The following FAM177A1 variants were observed in gnomAD, a reference collection of about 807,000 sequenced individuals.
The protein encoded by FAM177A1 is family with sequence similarity 177 member A1.
Under a neutral mutation model 26.1 loss-of-function variants are expected in FAM177A1, and 22 were observed. The observed-to-expected ratio is 0.84, with a 90% CI of 0.60 to 1.20. The LOEUF is 1.20. FAM177A1 is among the 50% of genes most tolerant of loss of function. The pLI is 0.00. For synonymous variants in FAM177A1, 95 were observed against 99.3 expected (o/e 0.96, Z 0.26); for missense variants, 296 against 291.1 (o/e 1.02, Z -0.12).
chr14:35,072,237 T>C (rs1284758661), intron 2 of FAM177A1, among the ~76,000 whole-genome samples: 1 of 151,910 alleles, frequency 6.6e-6, no homozygotes, highest in Non-Finnish European at 1.5e-5. Context: ...ATCGCAACAT[T>C]GCACTCCAGC....
Position 35,058,961 on chromosome 14 carries a change from G to A in FAM177A1, c.339+5510G>A, listed in dbSNP as rs540939858. ...TTTTTGTTTTCTTTTTTTTTGGGAC[G>A]GAGTCACTCTGTCGCCCAGGCTGGA... On this transcript the variant is annotated intron_variant, in intron 2 of 4. Coordinates refer to ENST00000280987, the MANE Select transcript of FAM177A1 (RefSeq NM_173607.5). Among the ~76,000 whole-genome samples the A allele has an allele frequency of 6.6e-5, 10 of 151,702 alleles. No homozygotes were observed. In the South Asian group the frequency reaches 1.0e-3, roughly 16 times the overall value.
intron 1 of FAM177A1, chr14:35,047,149 A>C: frequency 3.1e-6 from 1 of 321,654 alleles, no homozygotes; most frequent in Non-Finnish European, 4.5e-6. Context: ...TCCAACATAA[A>C]TAGAATGCAA....
At chr14:35,077,101 A>G (rs775854255) in intron 2 of FAM177A1, 49 bp from the exon 3 acceptor site, 13 of 1,443,800 alleles carry the variant, frequency 9.0e-6, no homozygotes, top group Non-Finnish European at 1.2e-5. Context: ...GCCTAAATAT[A>G]TGGAATGAAT....
intron 1 of FAM177A1, among the ~76,000 whole-genome samples, chr14:35,049,825 A>T (rs142682954): frequency 1.3e-5 from 2 of 152,150 alleles, no homozygotes; most frequent in South Asian, 4.1e-4. Context: ...AGATAAGCAC[A>T]TTTATAGTTT....
At chr14:35,046,962 C>T in intron 1 of FAM177A1, 1 of 1,098,244 alleles carries the variant, frequency 9.1e-7, no homozygotes, top group Non-Finnish European at 1.1e-6. Flanking sequence ...CAGGTGAGGG[C>T]GGCTTCAACC....
rs11555796 is a variant in FAM177A1, at chr14:35,082,520, A to C, written c.*1292A>C. On this transcript the variant is annotated 3_prime_UTR_variant, in exon 5 of 5. Coordinates refer to ENST00000280987, the MANE Select transcript of FAM177A1 (RefSeq NM_173607.5). ...AGAGTGAGACTCCATCTTGGGGGGA[A>C]AAAAGTATATATATATACACACACA... 6.6e-6 allele frequency: 1 copy of C among 150,584 alleles called. No individual in the cohort carries two copies. The highest frequency in any genetic ancestry group is 2.5e-5 in the African/African-American group (1 of 40,146). 9.3% of individuals were successfully genotyped at this position (150,584 alleles called of 1,614,324 possible). A position where few individuals can be genotyped will look rare whatever the true frequency, so the allele number is the denominator to read the frequency against.
chr14:35,070,934 C>A (rs1379340267), intron 2 of FAM177A1, among the ~76,000 whole-genome samples: 5 of 151,702 alleles, frequency 3.3e-5, no homozygotes, highest in Non-Finnish European at 5.9e-5. Context: ...ATAATTATTT[C>A]TAGGTGGTGG....
chr14:35,053,236 A>G, intron 1 of FAM177A1, 42 bp from the exon 2 acceptor site: 1 of 1,539,544 alleles, frequency 6.5e-7, no homozygotes, highest in Non-Finnish European at 8.8e-7. Flanking sequence ...AAGAAAATTA[A>G]TCTCACTTGA....
chr14:35,057,202 T>C (rs1321663339), intron 2 of FAM177A1, among the ~76,000 whole-genome samples: 1 of 152,160 alleles, frequency 6.6e-6, no homozygotes. Context: ...AAGTACTGCC[T>C]TAGTTTTATT....
chr14:35,078,262 C>T (rs2045427319), intron 3 of FAM177A1, among the ~76,000 whole-genome samples: 1 of 152,186 alleles, frequency 6.6e-6, no homozygotes, highest in Non-Finnish European at 1.5e-5. Flanking sequence ...CCTAACCTTT[C>T]ACAGTACCTG....
chr14:35,050,389 A>G (rs2044945826), intron 1 of FAM177A1: 1 of 152,146 alleles, frequency 6.6e-6, no homozygotes, highest in South Asian at 2.1e-4. Context: ...AATATTTTAA[A>G]AATATAATTA....
chr14:35,060,034 C>T (rs554643602), intron 2 of FAM177A1, among the ~76,000 whole-genome samples: 37 of 151,576 alleles, frequency 2.4e-4, no homozygotes, highest in African/African-American at 9.0e-4. Context: ...AGTGCAGTGG[C>T]GTGATCTCGG....
chr14:35,045,910 C>T (rs2044852138), upstream of FAM177A1: 1 of 152,204 alleles, frequency 6.6e-6, no homozygotes. Context: ...GTTCTTCTTT[C>T]GAGGGTATTT....
rs1351803646 is a variant in FAM177A1, at chr14:35,081,829, T to G, written c.*601T>G. The G allele has an allele frequency of 6.6e-6, 1 of 152,240 alleles. No individual in the cohort carries two copies. Among genetic ancestry groups the G allele is most frequent in the Non-Finnish European group, 1.5e-5 (1 of 68,072 alleles). 9.4% of individuals were successfully genotyped at this position (152,240 alleles called of 1,614,324 possible). ...CTTCCATTTTTTAATGCAAGCCACT[T>G]ACTTAATCTTGTATTCTTTTTCAGG... On this transcript the variant is annotated 3_prime_UTR_variant, in exon 5 of 5. Transcript: ENST00000280987.
chr14:35,074,770 A>G (rs2045369999), intron 2 of FAM177A1, among the ~76,000 whole-genome samples: 1 of 151,606 alleles, frequency 6.6e-6, no homozygotes, highest in Non-Finnish European at 1.5e-5. Flanking sequence ...TCCCAGATGC[A>G]GTGGCTTACC....
At chr14:35,060,401 A>G (rs1034768978) in intron 2 of FAM177A1, among the ~76,000 whole-genome samples, 8 of 152,140 alleles carry the variant, frequency 5.3e-5, no homozygotes, top group African/African-American at 1.9e-4. Flanking sequence ...ACATATTTAT[A>G]AAAGCTATTT....
chr14:35,045,676 G>A (rs149096690), upstream of FAM177A1, among the ~76,000 whole-genome samples: 1 of 152,242 alleles, frequency 6.6e-6, no homozygotes, highest in African/African-American at 2.4e-5. Flanking sequence ...TGCAGTAATT[G>A]CATGATTTTT....
intron 2 of FAM177A1, 42 bp from the exon 3 acceptor site, chr14:35,077,108 G>C: frequency 6.7e-7 from 1 of 1,483,776 alleles, no homozygotes; most frequent in Admixed American, 1.7e-5. Flanking sequence ...TATATGGAAT[G>C]AATTTAGGTA....
At chr14:35,074,811 G>T (rs2045370696) in intron 2 of FAM177A1, among the ~76,000 whole-genome samples, 1 of 151,930 alleles carries the variant, frequency 6.6e-6, no homozygotes, top group African/African-American at 2.4e-5. Flanking sequence ...GGAGGCTGAG[G>T]TGGGTGGATC....
Sources: gnomAD v4.1 joint callset for allele counts (sites outside exome capture counted in the v4.1 genomes callset) on GRCh38, gnomAD v4.1.1 for gene constraint, MANE v1.5 for transcripts, NCBI Gene and HGNC (gene_info 2026-07-23, HGNC 2026-07-21) for gene names.